PLXDC2: variants seen among roughly 807,000 people sequenced by gnomAD.
PLXDC2 encodes plexin domain containing 2, also known as plexin domain-containing protein 2.
Under a neutral mutation model 68.9 loss-of-function variants are expected in PLXDC2, and 40 were observed. The observed-to-expected ratio is 0.58, with a 90% CI of 0.45 to 0.76. The LOEUF is 0.76. Ranked by LOEUF, PLXDC2 falls within the 30% of genes least tolerant of loss-of-function variation. The pLI, the probability that PLXDC2 is intolerant of heterozygous loss-of-function variation, is 0.00. For missense variants in PLXDC2, 644 were observed against 661.9 expected, an observed-to-expected ratio of 0.97 and a Z score of 0.30; for synonymous variants, 243 against 234.2, an observed-to-expected ratio of 1.04 and a Z score of -0.34.
rs71388879 is a variant in PLXDC2, at chr10:19,900,981, ATGTGTGTG to A, written c.112+83818_112+83825del. ...TAGTATCCCATGGTATATATGTGTG[ATGTGTGTG>A]TGTGTGTGTGTGTGTGTGTGTGTGT... On this transcript the variant is annotated intron_variant, in intron 1 of 13. Transcript: ENST00000377252. Among the ~76,000 whole-genome samples the A allele has an allele frequency of 5.2e-3, 751 of 144,542 alleles. 4 individuals are homozygous for A. Among genetic ancestry groups the A allele is most frequent in the African/African-American group, 0.011 (425 of 39,516 alleles). The allele number at this position is 144,542 out of a possible 152,430, so 94.8% of individuals were successfully genotyped here. A position where few individuals can be genotyped will look rare whatever the true frequency, so the allele number is the denominator to read the frequency against.
At chr10:19,858,175 G>T (rs1042275767) in intron 1 of PLXDC2, among the ~76,000 whole-genome samples, 2 of 152,096 alleles carry the variant, frequency 1.3e-5, no homozygotes, top group African/African-American at 4.8e-5. Flanking sequence ...GATTTCTGGG[G>T]ACAAATTTTC....
chr10:19,855,942 A>G (rs1837203740), intron 1 of PLXDC2, among the ~76,000 whole-genome samples: 1 of 152,110 alleles, frequency 6.6e-6, no homozygotes, highest in Non-Finnish European at 1.5e-5. Context: ...ACATATATAA[A>G]AAATTAGCCA....
chr10:19,993,548 T>G (rs1050047570), intron 1 of PLXDC2, among the ~76,000 whole-genome samples: 1 of 152,142 alleles, frequency 6.6e-6, no homozygotes, highest in Non-Finnish European at 1.5e-5. Context: ...GCCTCCTGAG[T>G]AGCTGGGATT....
chr10:20,255,369 T>A (rs1197579859), intron 13 of PLXDC2, among the ~76,000 whole-genome samples: 1 of 152,174 alleles, frequency 6.6e-6, no homozygotes, highest in African/African-American at 2.4e-5. Flanking sequence ...GTATTCTGAT[T>A]CTTTTCTTCT....
At chr10:19,894,109 G>A (rs1381498709) in intron 1 of PLXDC2, among the ~76,000 whole-genome samples, 2 of 152,134 alleles carry the variant, frequency 1.3e-5, no homozygotes, top group African/African-American at 4.8e-5. Flanking sequence ...AGGCTATAGT[G>A]CAGAACTGTG....
intron 1 of PLXDC2, among the ~76,000 whole-genome samples, chr10:19,892,176 T>C (rs1315227371): frequency 6.6e-6 from 1 of 152,214 alleles, no homozygotes; most frequent in East Asian, 1.9e-4. Context: ...TAATAAATAC[T>C]TAAATATTTC....
intron 13 of PLXDC2, among the ~76,000 whole-genome samples, chr10:20,275,271 G>A (rs1280278493): frequency 6.6e-6 from 1 of 151,952 alleles, no homozygotes; most frequent in Non-Finnish European, 1.5e-5. Context: ...CTTGCTCTTC[G>A]AAATGTGTTG....
intron 1 of PLXDC2, among the ~76,000 whole-genome samples, chr10:19,858,240 C>T (rs187708141): frequency 1.3e-5 from 2 of 152,298 alleles, no homozygotes; most frequent in East Asian, 1.9e-4. Flanking sequence ...TCCTTCATCA[C>T]TCATTCTTTC....
intron 2 of PLXDC2, among the ~76,000 whole-genome samples, chr10:20,023,032 G>A (rs750832181): frequency 1.4e-4 from 21 of 148,930 alleles, no homozygotes; most frequent in Non-Finnish European, 1.9e-4. Context: ...CCCTCCCCCC[G>A]CAAAAAAAGG....
Position 20,178,609 on chromosome 10 carries a change from ATCT to A in PLXDC2, c.1061+1205_1061+1207del, listed in dbSNP as rs369529071. Among the ~76,000 whole-genome samples, 844 of 152,226 alleles carry A rather than the reference ATCT, an allele frequency of 5.5e-3. 12 individuals carry two copies. The highest frequency in any genetic ancestry group is 0.02 in the African/African-American group (818 of 41,544). The stretch of plus-strand genomic sequence containing the variant: ...GGTTGTATGAGCAGTCTGTCTTATC[ATCT>A]TCTTGCTATAGCATTTGCTGTAACG... On this transcript the variant is annotated intron_variant, in intron 9 of 13. Transcript: ENST00000377252.
intron 1 of PLXDC2, among the ~76,000 whole-genome samples, chr10:19,851,869 G>T (rs956407975): frequency 3.3e-5 from 5 of 152,142 alleles, no homozygotes; most frequent in African/African-American, 1.2e-4. Flanking sequence ...ATTCTTTGAA[G>T]AAGCCAAGGT....
In PLXDC2 at chr10:20,233,144, C is replaced by T. The variant is rs377635152; in HGVS notation, c.1313-12201C>T. 4.0e-5 allele frequency among the ~76,000 whole-genome samples: 6 copies of T among 151,896 alleles called. No individual in the cohort carries two copies. The South Asian group carries it at 8.3e-4, about 21-fold the overall frequency. ...AGTTGATGCGAGTTGTATAGTTGCA[C>T]GAGTTGTATAGTTGCAAGGGCTTTG... On this transcript the variant is annotated intron_variant, in intron 12 of 13. Coordinates refer to ENST00000377252, the MANE Select transcript of PLXDC2 (RefSeq NM_032812.9).
chr10:19,937,544 GTATATATATATATATA>G (rs71388881), intron 1 of PLXDC2, among the ~76,000 whole-genome samples: 11,839 of 96,058 alleles, frequency 0.12, 787 homozygotes, highest in South Asian at 0.18. Flanking sequence ...TATAGTCAAT[GTATATATATATATATA>G]TATATATATA....
At chr10:19,899,380 CCTT>C (rs1407617579) in intron 1 of PLXDC2, among the ~76,000 whole-genome samples, 5 of 152,152 alleles carry the variant, frequency 3.3e-5, no homozygotes, top group South Asian at 2.1e-4. Context: ...ACCTGCTTGC[CCTT>C]CTTCTGCTAC....
At chr10:19,826,578 G>C (rs1312719071) in intron 1 of PLXDC2, among the ~76,000 whole-genome samples, 1 of 152,140 alleles carries the variant, frequency 6.6e-6, no homozygotes, top group Admixed American at 6.5e-5. Context: ...TCACATTTTA[G>C]TTTGAGAGCA....
intron 12 of PLXDC2, among the ~76,000 whole-genome samples, chr10:20,236,911 A>G (rs190783888): frequency 1.2e-3 from 186 of 152,266 alleles, no homozygotes; most frequent in Admixed American, 4.4e-3. Flanking sequence ...TCATTTTGAT[A>G]GAATTAAGTA....
intron 2 of PLXDC2, among the ~76,000 whole-genome samples, chr10:20,003,865 A>G (rs1234080764): frequency 6.6e-6 from 1 of 152,232 alleles, no homozygotes; most frequent in Non-Finnish European, 1.5e-5. Context: ...CGGGCTGACT[A>G]CTGCCAAGGC....
At chr10:20,152,568 A>G (rs1036692683) in intron 6 of PLXDC2, among the ~76,000 whole-genome samples, 2 of 152,120 alleles carry the variant, frequency 1.3e-5, no homozygotes, top group Admixed American at 1.3e-4. Flanking sequence ...CTTTTTCTCA[A>G]ATTACCAACT....
intron 10 of PLXDC2, among the ~76,000 whole-genome samples, chr10:20,214,072 T>C (rs1415119793): frequency 6.6e-6 from 1 of 152,206 alleles, no homozygotes; most frequent in Non-Finnish European, 1.5e-5. Context: ...ACAAACATTT[T>C]TCATATCTAA....
Sources: gnomAD v4.1 joint callset for allele counts (sites outside exome capture counted in the v4.1 genomes callset) on GRCh38, gnomAD v4.1.1 for gene constraint, MANE v1.5 for transcripts, NCBI Gene and HGNC (gene_info 2026-07-23, HGNC 2026-07-21) for gene names.